Variants in ADAMTS12 observed in about 807,000 individuals in gnomAD.
The protein encoded by ADAMTS12 is ADAM metallopeptidase with thrombospondin type 1 motif 12.
In ADAMTS12, 118 loss-of-function variants were observed where a neutral mutation model predicts 167.8. That is an observed-to-expected ratio of 0.70 (90% confidence interval 0.61 to 0.82). ADAMTS12 has a LOEUF of 0.82. ADAMTS12 is among the 40% of genes least tolerant of loss of function. ADAMTS12 has a pLI of 0.00. For missense variants in ADAMTS12, 1,916 were observed against 1,998.8 expected, an observed-to-expected ratio of 0.96 and a Z score of 0.79; for synonymous variants, 704 against 716.9, an observed-to-expected ratio of 0.98 and a Z score of 0.29.
chr5:33,718,434 T>C (rs981499985), intron 3 of ADAMTS12, among the ~76,000 whole-genome samples: 3 of 152,184 alleles, frequency 2.0e-5, no homozygotes, highest in Non-Finnish European at 4.4e-5. Context: ...GCAGCAGCAT[T>C]AGATTCTCAT....
At chr5:33,632,150 A>T (rs963727767) in intron 12 of ADAMTS12, among the ~76,000 whole-genome samples, 3 of 152,228 alleles carry the variant, frequency 2.0e-5, no homozygotes, top group African/African-American at 7.2e-5. Flanking sequence ...TCAGAAGCAG[A>T]AAGTTAGATA....
In ADAMTS12 at chr5:33,889,136, C is replaced by A. The variant is rs1750753074; in HGVS notation, c.127+2594G>T. ...GTTGACTAACTGATGCCCTAGACCT[C>A]CCATTCCTTATCCATAAAAGTAAAA... is the stretch of plus-strand genomic sequence containing the variant. On this transcript the variant is annotated intron_variant, in intron 1 of 23. Coordinates refer to ENST00000504830, the MANE Select transcript of ADAMTS12 (RefSeq NM_030955.4). Among the ~76,000 whole-genome samples, 5 of 152,248 alleles carry A rather than the reference C, an allele frequency of 3.3e-5. No homozygotes were observed. The South Asian group carries it at 1.0e-3, about 32-fold the overall frequency.
At chr5:33,592,367 T>C (rs1747688617) in intron 17 of ADAMTS12, among the ~76,000 whole-genome samples, 1 of 152,270 alleles carries the variant, frequency 6.6e-6, no homozygotes, top group African/African-American at 2.4e-5. Context: ...TTTTGTGGAC[T>C]GAAACCTACA....
chr5:33,857,923 A>G (rs1382389118), intron 2 of ADAMTS12, among the ~76,000 whole-genome samples: 1 of 152,240 alleles, frequency 6.6e-6, no homozygotes, highest in South Asian at 2.1e-4. Flanking sequence ...TGGAGACTTC[A>G]ATACTTCTAT....
intron 2 of ADAMTS12, among the ~76,000 whole-genome samples, chr5:33,824,573 A>G (rs1307332550): frequency 6.6e-6 from 1 of 152,216 alleles, no homozygotes; most frequent in Non-Finnish European, 1.5e-5. Flanking sequence ...CATCCAGACC[A>G]GGAGTGTAAA....
At chr5:33,687,061 T>C (rs1034324981) in intron 3 of ADAMTS12, among the ~76,000 whole-genome samples, 21 of 149,292 alleles carry the variant, frequency 1.4e-4, no homozygotes, top group African/African-American at 4.9e-4. Context: ...CATTTTGTTA[T>C]AGCAGCCTGA....
chr5:33,871,294 C>T (rs927975154), intron 2 of ADAMTS12, among the ~76,000 whole-genome samples: 6 of 152,088 alleles, frequency 3.9e-5, no homozygotes, highest in Non-Finnish European at 7.4e-5. Context: ...AACATAAATT[C>T]GATGCAATCT....
chr5:33,660,043 T>C (rs1414080552), intron 6 of ADAMTS12, among the ~76,000 whole-genome samples: 1 of 152,134 alleles, frequency 6.6e-6, no homozygotes, highest in Non-Finnish European at 1.5e-5. Flanking sequence ...TATCTTACAA[T>C]GCACAAGATA....
At position 33,641,906 on chromosome 5, in the gene ADAMTS12, A is replaced by G; in HGVS notation, c.1622T>C (p.Ile541Thr). ...TGACCAGCGGCCCCAGCCTCCAGGA[A>G]TGCTCTCTGGTTTCTTCCCCACTGT... ...CITVGKKPES[I>T]PGGWGRWSPW... The change falls in exon 11 of 24, where the codon ATT (isoleucine) becomes ACT (threonine). Residue 541 changes from isoleucine (I) to threonine (T), a missense_variant. By Grantham distance (89) the Ile-to-Thr change is moderately conservative (BLOSUM62 -1). Coordinates refer to ENST00000504830, the MANE Select transcript of ADAMTS12 (RefSeq NM_030955.4). The G allele has an allele frequency of 6.2e-7, 1 of 1,613,824 alleles. No individual in the cohort carries two copies. The highest frequency in any genetic ancestry group is 8.5e-7 in the Non-Finnish European group (1 of 1,179,792).
chr5:33,742,437 AATTG>A (rs1364539243), intron 3 of ADAMTS12, among the ~76,000 whole-genome samples: 1 of 152,094 alleles, frequency 6.6e-6, no homozygotes, highest in East Asian at 1.9e-4. Context: ...CATTGGCATC[AATTG>A]AGCTGTGGGA....
At chr5:33,723,796 C>T (rs1743884787) in intron 3 of ADAMTS12, among the ~76,000 whole-genome samples, 1 of 152,204 alleles carries the variant, frequency 6.6e-6, no homozygotes, top group Non-Finnish European at 1.5e-5. Context: ...CATGGATGTG[C>T]CATGTGTTTT....
chr5:33,776,382 C>G (rs1745910965), intron 2 of ADAMTS12, among the ~76,000 whole-genome samples: 1 of 152,082 alleles, frequency 6.6e-6, no homozygotes, highest in South Asian at 2.1e-4. Context: ...TTTCTGACCA[C>G]AGTGGTATGA....
At chr5:33,781,631 C>T (rs1315735106) in intron 2 of ADAMTS12, among the ~76,000 whole-genome samples, 1 of 152,156 alleles carries the variant, frequency 6.6e-6, no homozygotes, top group Non-Finnish European at 1.5e-5. Flanking sequence ...ATTGAAAGGT[C>T]AACCAGTAAA....
intron 23 of ADAMTS12, among the ~76,000 whole-genome samples, chr5:33,529,391 G>A (rs1351740883): frequency 6.6e-6 from 1 of 151,494 alleles, no homozygotes; most frequent in Non-Finnish European, 1.5e-5. Context: ...AATTCAATTA[G>A]ATTTTTTTTT....
chr5:33,728,237 G>T (rs937183860), intron 3 of ADAMTS12, among the ~76,000 whole-genome samples: 6 of 152,140 alleles, frequency 3.9e-5, no homozygotes, highest in Non-Finnish European at 5.9e-5. Context: ...CACTCGGGAT[G>T]TTCACTGAAA....
intron 13 of ADAMTS12, among the ~76,000 whole-genome samples, chr5:33,629,972 C>A (rs59721802): frequency 0.34 from 52,364 of 151,810 alleles, 10,164 homozygotes; most frequent in African/African-American, 0.54. Flanking sequence ...TAGGCAGATA[C>A]ATAAAAATAT....
At chr5:33,845,024 G>A (rs1748892881) in intron 2 of ADAMTS12, among the ~76,000 whole-genome samples, 4 of 152,186 alleles carry the variant, frequency 2.6e-5, no homozygotes, top group Admixed American at 2.6e-4. Context: ...AACAGAAAGT[G>A]AAACCATAGA....
intron 5 of ADAMTS12, among the ~76,000 whole-genome samples, chr5:33,677,078 C>T (rs1026372990): frequency 6.6e-6 from 1 of 152,164 alleles, no homozygotes; most frequent in Non-Finnish European, 1.5e-5. Flanking sequence ...AGTTTTGTCT[C>T]TATCTTGTTC....
At chr5:33,682,362 T>C (rs1011974223) in intron 5 of ADAMTS12, among the ~76,000 whole-genome samples, 4 of 152,182 alleles carry the variant, frequency 2.6e-5, no homozygotes, top group African/African-American at 9.6e-5. Context: ...TGAATGGACT[T>C]TGACACCTCC....
Sources: allele counts gnomAD v4.1 joint callset (sites outside exome capture counted in the v4.1 genomes callset), GRCh38; gene constraint gnomAD v4.1.1; transcripts MANE v1.5; gene names NCBI Gene and HGNC (gene_info 2026-07-23, HGNC 2026-07-21).